EDARADD: variants seen among roughly 807,000 people sequenced by gnomAD.
EDARADD encodes the protein ectodysplasin-A receptor-associated adapter protein.
Under a neutral mutation model 25.6 loss-of-function variants are expected in EDARADD, and 20 were observed. The observed-to-expected ratio is 0.78, with a 90% CI of 0.55 to 1.14. EDARADD has a LOEUF of 1.14. EDARADD is among the 50% of genes most tolerant of loss of function. The pLI is 0.00. For synonymous variants in EDARADD, 86 were observed against 94.4 expected (o/e 0.91, Z 0.52); for missense variants, 225 against 270.1 (o/e 0.83, Z 1.17).
chr1:236,424,145 G>A lies in EDARADD; in HGVS notation c.161-3247G>A, dbSNP rs1657849931. Among the ~76,000 whole-genome samples the A allele has an allele frequency of 2.8e-5, 4 of 143,300 alleles. No homozygotes were observed. In the Admixed American group the frequency reaches 2.9e-4, roughly 10 times the overall value. The allele number at this position is 143,300 out of a possible 152,430, so 94.0% of individuals were successfully genotyped here. On this transcript the variant is annotated intron_variant, in intron 3 of 5. Coordinates refer to ENST00000334232, the MANE Select transcript of EDARADD (RefSeq NM_145861.4). ...TAAAATAAAATTGTAGTAATCCACTGTGAAGCATCTTTTTTTTTTTTTTTT... is the reference window on the plus strand; with the variant it reads ...TAAAATAAAATTGTAGTAATCCACTATGAAGCATCTTTTTTTTTTTTTTTT...
chr1:236,361,099 C>T (rs1364584656), intron 3 of EDARADD, among the ~76,000 whole-genome samples: 1 of 152,114 alleles, frequency 6.6e-6, no homozygotes, highest in East Asian at 1.9e-4. Context: ...ACAAAGTGCA[C>T]ATATCTAAAG....
At chr1:236,362,726 G>C (rs1185967056) in intron 3 of EDARADD, among the ~76,000 whole-genome samples, 1 of 151,838 alleles carries the variant, frequency 6.6e-6, no homozygotes, top group Non-Finnish European at 1.5e-5. Flanking sequence ...TTTGTATATT[G>C]TGAAGTATTC....
intron 1 of EDARADD, among the ~76,000 whole-genome samples, chr1:236,399,735 A>T (rs1667582807): frequency 6.6e-6 from 1 of 152,246 alleles, no homozygotes; most frequent in Non-Finnish European, 1.5e-5. Context: ...CCGGGCTTTG[A>T]AGGTCTGGGT....
Position 236,402,196 on chromosome 1 carries a change from A to G in EDARADD, c.62-7020A>G, listed in dbSNP as rs571477057. Among the ~76,000 whole-genome samples, 10 of 152,254 alleles carry G rather than the reference A, an allele frequency of 6.6e-5. No individual in the cohort carries two copies. In the South Asian group the frequency reaches 1.9e-3, roughly 28 times the overall value. ...AGGCTGGTCTCAAACTCCTGACCTC[A>G]GGTGATCTGCCCGCCTCGGCCTCCC... On this transcript the variant is annotated intron_variant, in intron 1 of 5. Coordinates refer to ENST00000334232, the MANE Select transcript of EDARADD (RefSeq NM_145861.4).
At chr1:236,396,712 T>C (rs1667521620) in intron 1 of EDARADD, among the ~76,000 whole-genome samples, 1 of 151,216 alleles carries the variant, frequency 6.6e-6, no homozygotes. Flanking sequence ...TTTTTTTAAG[T>C]GGGGATTGTT....
At position 236,482,828 on chromosome 1, in the gene EDARADD, TTA is replaced by T. The variant is rs1571963843; in HGVS notation, c.*181_*182del. 2.6e-6 allele frequency: 2 copies of T among 765,012 alleles called. No homozygotes were observed. Among genetic ancestry groups the T allele is most frequent in the East Asian group, 5.4e-5 (2 of 37,332 alleles). 47.4% of individuals were successfully genotyped at this position (765,012 alleles called of 1,614,324 possible). On this transcript the variant is annotated 3_prime_UTR_variant, in exon 6 of 6. Transcript: ENST00000334232. ...GCTTGTTTCGGTGGTGGATCTCTGTTTATTTTTGCACATCTGTTATAATTTAA... is the reference window on the plus strand; with the variant it reads ...GCTTGTTTCGGTGGTGGATCTCTGTTTTTTTGCACATCTGTTATAATTTAA...
intron 1 of EDARADD, 70 bp downstream of exon 1, chr1:236,394,575 G>A: frequency 7.1e-7 from 1 of 1,417,068 alleles, no homozygotes; most frequent in South Asian, 1.2e-5. Flanking sequence ...GCTTATTTAC[G>A]ATAATTCTTG....
At chr1:236,464,412 C>A (rs553938388) in intron 4 of EDARADD, among the ~76,000 whole-genome samples, 35 of 146,058 alleles carry the variant, frequency 2.4e-4, no homozygotes, top group African/African-American at 8.8e-4. Flanking sequence ...CATGCGTGGT[C>A]CTTGCTGCAA....
At chr1:236,472,560 G>A (rs1388327154) in intron 5 of EDARADD, among the ~76,000 whole-genome samples, 14 of 152,060 alleles carry the variant, frequency 9.2e-5, no homozygotes, top group African/African-American at 3.1e-4. Flanking sequence ...ATGGGGTCTC[G>A]CTCTGTCACC....
intron 3 of EDARADD, among the ~76,000 whole-genome samples, chr1:236,366,740 T>C (rs1667115051): frequency 7.3e-6 from 1 of 137,372 alleles, no homozygotes; most frequent in Admixed American, 7.2e-5. Flanking sequence ...CTCATCTCTC[T>C]CTTTTTTTTG....
intron 4 of EDARADD, among the ~76,000 whole-genome samples, chr1:236,467,147 C>T (rs1659219159): frequency 6.6e-6 from 1 of 151,948 alleles, no homozygotes; most frequent in South Asian, 2.1e-4. Flanking sequence ...GACTCTCAGA[C>T]CCGAGAAAAT....
intron 4 of EDARADD, among the ~76,000 whole-genome samples, chr1:236,445,455 T>C (rs1218107807): frequency 6.6e-6 from 1 of 152,164 alleles, no homozygotes; most frequent in African/African-American, 2.4e-5. Context: ...CTTGAACATC[T>C]GACCTTAGGT....
chr1:236,376,231 G>T (rs1667224804), intron 3 of EDARADD, among the ~76,000 whole-genome samples: 1 of 151,990 alleles, frequency 6.6e-6, no homozygotes, highest in Admixed American at 6.6e-5. Flanking sequence ...CACCATGCCC[G>T]GCCTACTTTC....
At chr1:236,356,325 A>G (rs655105) in intron 3 of EDARADD, among the ~76,000 whole-genome samples, 135,093 of 152,174 alleles carry the variant, frequency 0.89, 60,063 homozygotes, top group Non-Finnish European at 0.9. Flanking sequence ...AGCAATCAAA[A>G]TAGCCTCCTA....
intron 1 of EDARADD, among the ~76,000 whole-genome samples, chr1:236,396,404 T>C (rs532943453): frequency 6.6e-6 from 1 of 152,234 alleles, no homozygotes; most frequent in Non-Finnish European, 1.5e-5. Context: ...CACGAATGAA[T>C]GATCTATCCC....
In EDARADD at chr1:236,363,030, T is replaced by TATATATATAA. The variant is rs796610771; in HGVS notation, c.-6+12194_-6+12195insTATATAAATA. 9.3e-3 allele frequency among the ~76,000 whole-genome samples: 941 copies of TATATATATAA among 101,536 alleles called. 26 individuals are homozygous for TATATATATAA. The highest frequency in any genetic ancestry group is 0.034 in the East Asian group (58 of 1,712). The allele number at this position is 101,536 out of a possible 152,430, so 66.6% of individuals were successfully genotyped here. ...AAATATATATATATATATATATATA[T>TATATATATAA]ATAAAATTTGTGTACAGACAGAGTC... On this transcript the variant is annotated intron_variant, in intron 3 of 7. Transcript: ENST00000439430.
At chr1:236,462,036 G>T (rs1438551754) in intron 4 of EDARADD, among the ~76,000 whole-genome samples, 1 of 152,156 alleles carries the variant, frequency 6.6e-6, no homozygotes, top group Non-Finnish European at 1.5e-5. Context: ...CAGGGTTTCT[G>T]CTGGGCACTG....
intron 4 of EDARADD, among the ~76,000 whole-genome samples, chr1:236,455,392 C>T (rs551332333): frequency 1.1e-3 from 162 of 152,314 alleles, no homozygotes; most frequent in African/African-American, 3.8e-3. Context: ...GTCAGCCCGA[C>T]AGGCCCCTAC....
chr1:236,437,923 AT>A (rs1658303428), intron 4 of EDARADD, among the ~76,000 whole-genome samples: 1 of 151,508 alleles, frequency 6.6e-6, no homozygotes, highest in African/African-American at 2.4e-5. Context: ...TAATTTTTGT[AT>A]TTTTGTAGAG....
Sources: allele counts gnomAD v4.1 joint callset (sites outside exome capture counted in the v4.1 genomes callset), GRCh38; gene constraint gnomAD v4.1.1; transcripts MANE v1.5; gene names NCBI Gene and HGNC (gene_info 2026-07-23, HGNC 2026-07-21).